NRXN3: variants seen among roughly 807,000 people sequenced by gnomAD.
The protein encoded by NRXN3 is neurexin III.
NRXN3 carries 32 observed loss-of-function variants against 137.6 expected under a neutral mutation model. The ratio of observed to expected loss-of-function variants is 0.23; its 90% CI spans 0.18 to 0.31. NRXN3 has a LOEUF of 0.31. Ranked by LOEUF, NRXN3 falls within the 10% of genes least tolerant of loss-of-function variation. NRXN3 has a pLI of 1.00. For synonymous variants in NRXN3, 798 were observed against 784.5 expected, an observed-to-expected ratio of 1.02 and a Z score of -0.29; for missense variants, 1,574 against 2,062.5, an observed-to-expected ratio of 0.76 and a Z score of 4.59.
intron 15 of NRXN3, among the ~76,000 whole-genome samples, chr14:79,213,817 C>T (rs10133101): frequency 0.82 from 125,360 of 152,088 alleles, 52,337 homozygotes; most frequent in Admixed American, 0.89. Context: ...AGCACCAGTT[C>T]CAGAAGGAGG....
At chr14:78,641,678 ACTC>A (rs1471050066) in intron 4 of NRXN3, among the ~76,000 whole-genome samples, 1 of 152,220 alleles carries the variant, frequency 6.6e-6, no homozygotes, top group Non-Finnish European at 1.5e-5. Context: ...GCCTCCTCTG[ACTC>A]AGGGAAGAGG....
Position 79,059,619 on chromosome 14 carries a change from C to T in NRXN3, c.3262+71478C>T, listed in dbSNP as rs577072781. ...TGTTCTCCTTCTCTGTGAGTCCAAA[C>T]AAGGTCTCTAGTTATTGATTCTCAT... On this transcript the variant is annotated intron_variant, in intron 15 of 20. Transcript: ENST00000335750. Among the ~76,000 whole-genome samples the T allele has an allele frequency of 2.6e-5, 4 of 152,292 alleles. No homozygotes were observed. In the South Asian group the frequency reaches 6.2e-4, roughly 24 times the overall value.
chr14:79,113,879 C>G (rs958672977), intron 15 of NRXN3, among the ~76,000 whole-genome samples: 3 of 152,132 alleles, frequency 2.0e-5, no homozygotes, highest in African/African-American at 7.2e-5. Flanking sequence ...TTCCGTCGGG[C>G]TAGGATGTAG....
intron 4 of NRXN3, among the ~76,000 whole-genome samples, chr14:78,609,658 C>T (rs949138582): frequency 7.9e-5 from 12 of 152,128 alleles, no homozygotes; most frequent in Admixed American, 1.3e-4. Context: ...ATATATGACT[C>T]CAGGAGTTCT....
At chr14:78,462,551 G>A (rs181069304) in intron 4 of NRXN3, among the ~76,000 whole-genome samples, 3 of 152,244 alleles carry the variant, frequency 2.0e-5, no homozygotes, top group Admixed American at 6.5e-5. Context: ...GATAATTAAA[G>A]CATCTGTCTC....
chr14:78,950,530 C>T (rs1567797560), intron 10 of NRXN3, among the ~76,000 whole-genome samples: 1 of 151,852 alleles, frequency 6.6e-6, no homozygotes, highest in South Asian at 2.1e-4. Flanking sequence ...ATGTTAGGGG[C>T]ACTCTTTTTT....
At chr14:79,823,738 G>T (rs1020935844) in intron 20 of NRXN3, among the ~76,000 whole-genome samples, 1 of 152,122 alleles carries the variant, frequency 6.6e-6, no homozygotes, top group Non-Finnish European at 1.5e-5. Flanking sequence ...CGCCAGACCC[G>T]TAATTTTTTA....
intron 10 of NRXN3, among the ~76,000 whole-genome samples, chr14:78,854,415 G>A (rs1406794802): frequency 6.6e-6 from 1 of 151,956 alleles, no homozygotes; most frequent in Non-Finnish European, 1.5e-5. Context: ...TATGTAGCAT[G>A]TCAATCGATA....
At chr14:78,531,568 C>T (rs999623161) in intron 4 of NRXN3, among the ~76,000 whole-genome samples, 2 of 152,132 alleles carry the variant, frequency 1.3e-5, no homozygotes, top group African/African-American at 4.8e-5. Flanking sequence ...GCTCAGTTAC[C>T]TTCTGCTATC....
At chr14:78,991,989 T>A (rs759438787) in intron 15 of NRXN3, among the ~76,000 whole-genome samples, 1 of 152,200 alleles carries the variant, frequency 6.6e-6, no homozygotes, top group Non-Finnish European at 1.5e-5. Flanking sequence ...AACATAGCTG[T>A]GCAAAGCTGA....
intron 15 of NRXN3, among the ~76,000 whole-genome samples, chr14:79,061,471 C>T (rs373362082): frequency 1.1e-4 from 16 of 152,208 alleles, no homozygotes; most frequent in Admixed American, 2.0e-4. Context: ...GCAAAGCACC[C>T]ATGGCAAGGG....
At chr14:78,595,244 T>G (rs1374990725) in intron 4 of NRXN3, among the ~76,000 whole-genome samples, 1 of 152,214 alleles carries the variant, frequency 6.6e-6, no homozygotes, top group East Asian at 1.9e-4. Context: ...GAAAACTCCC[T>G]GCTGGCCCCA....
At chr14:79,423,085 G>C (rs1567083899) in intron 15 of NRXN3, among the ~76,000 whole-genome samples, 1 of 152,130 alleles carries the variant, frequency 6.6e-6, no homozygotes, top group Non-Finnish European at 1.5e-5. Flanking sequence ...GCTTCAGTCA[G>C]TTAGCTTCAA....
At chr14:78,508,006 G>A (rs576529873) in intron 4 of NRXN3, among the ~76,000 whole-genome samples, 5 of 152,176 alleles carry the variant, frequency 3.3e-5, no homozygotes, top group Non-Finnish European at 5.9e-5. Flanking sequence ...GCTTTTTGAT[G>A]AGGGTAATGG....
At chr14:79,451,680 A>G (rs993162117) in intron 15 of NRXN3, among the ~76,000 whole-genome samples, 5 of 152,320 alleles carry the variant, frequency 3.3e-5, no homozygotes, top group South Asian at 2.1e-4. Context: ...ACTTCTCATT[A>G]TCCAGACTTT....
chr14:79,652,699 G>C (rs1477240731), intron 16 of NRXN3, among the ~76,000 whole-genome samples: 1 of 152,012 alleles, frequency 6.6e-6, no homozygotes, highest in East Asian at 1.9e-4. Context: ...TCCAGTGTCT[G>C]CTTGGGGTCA....
At chr14:78,645,662 G>T (rs992103128) in intron 5 of NRXN3, among the ~76,000 whole-genome samples, 1 of 150,660 alleles carries the variant, frequency 6.6e-6, no homozygotes, top group South Asian at 2.1e-4. Context: ...CAACTCAGTT[G>T]TATAGATAAT....
intron 8 of NRXN3, among the ~76,000 whole-genome samples, chr14:78,771,592 A>G (rs1303016060): frequency 6.6e-6 from 1 of 152,230 alleles, no homozygotes; most frequent in African/African-American, 2.4e-5. Context: ...TGCTTTAGAG[A>G]GACAGGTGGT....
chr14:79,110,380 A>T (rs942047077), intron 15 of NRXN3, among the ~76,000 whole-genome samples: 1 of 152,242 alleles, frequency 6.6e-6, no homozygotes, highest in Admixed American at 6.5e-5. Context: ...CCATTCCTTT[A>T]TCATCTCAAA....
Sources: allele counts gnomAD v4.1 joint callset (sites outside exome capture counted in the v4.1 genomes callset), GRCh38; gene constraint gnomAD v4.1.1; transcripts MANE v1.5; gene names NCBI Gene and HGNC (gene_info 2026-07-23, HGNC 2026-07-21).